Variants in TET3 observed in about 807,000 individuals in gnomAD.
TET3 encodes tet methylcytosine dioxygenase 3, also known as methylcytosine dioxygenase TET3.
TET3 carries 19 observed loss-of-function variants against 141.4 expected under a neutral mutation model. The observed-to-expected ratio is 0.13, with a 90% CI of 0.09 to 0.20. The LOEUF (loss-of-function observed/expected upper bound fraction) is 0.20. Ranked by LOEUF, TET3 falls within the 10% of genes least tolerant of loss-of-function variation. TET3 has a pLI of 1.00. For missense variants in TET3, 1,874 were observed against 2,356.9 expected (o/e 0.80, Z 4.24); for synonymous variants, 1,043 against 980.9 (o/e 1.06, Z -1.18).
downstream of TET3, among the ~76,000 whole-genome samples, chr2:74,111,423 A>G (rs1691701891): frequency 6.6e-6 from 1 of 152,186 alleles, no homozygotes; most frequent in African/African-American, 2.4e-5. Flanking sequence ...TCTCCCAGTC[A>G]TATCCTGACA....
chr2:74,065,057 G>A (rs1011639712), intron 4 of TET3, among the ~76,000 whole-genome samples: 5 of 152,070 alleles, frequency 3.3e-5, no homozygotes, highest in South Asian at 2.1e-4. Flanking sequence ...TTCTTTTTAT[G>A]TATATATAGT....
intron 11 of TET3, 53 bp from the exon 12 acceptor site, chr2:74,100,340 T>C: frequency 2.0e-6 from 3 of 1,528,688 alleles, no homozygotes; most frequent in South Asian, 2.5e-5. Flanking sequence ...CCAGGGCCTC[T>C]CCAGGCTGTG....
chr2:74,017,312 T>C (rs927226079), intron 3 of TET3, among the ~76,000 whole-genome samples: 1 of 152,164 alleles, frequency 6.6e-6, no homozygotes, highest in South Asian at 2.1e-4. Flanking sequence ...TGCCCTATGG[T>C]GCTATAGAAC....
chr2:74,087,847 G>A lies in TET3; in HGVS notation c.2697G>A (p.Thr899=), dbSNP rs1388569453. The A allele has an allele frequency of 1.3e-6, 2 of 1,550,838 alleles. No homozygotes were observed. The highest frequency in any genetic ancestry group is 1.4e-5 in the African/African-American group (1 of 73,026). The change falls in exon 7 of 12, where the codon ACG becomes ACA. Residue 899 remains threonine, a synonymous_variant. Coordinates refer to ENST00000409262, the MANE Select transcript of TET3 (RefSeq NM_001287491.2). This position sits in a 1 kb window ranked among gnomAD's most constrained non-coding sequence, Gnocchi z 4.3. The part of the protein sequence containing the change: ...PIAKWVIRRH[T]LEEKLLCLVR... ...CCCTGCAGGTGATCCGCAGGCACAC[G>A]CTGGAGGAGAAGCTACTCTGCCTGG...
chr2:74,063,825 G>A (rs1477999850), intron 4 of TET3, among the ~76,000 whole-genome samples: 5 of 150,464 alleles, frequency 3.3e-5, no homozygotes, highest in African/African-American at 1.2e-4. Flanking sequence ...TTGGGAGGCC[G>A]AAGTGGGAGG....
chr2:74,017,561 C>T (rs1427658331), intron 3 of TET3, among the ~76,000 whole-genome samples: 1 of 152,128 alleles, frequency 6.6e-6, no homozygotes, highest in Non-Finnish European at 1.5e-5. Flanking sequence ...CCACAAATGA[C>T]AGTATTTTGT....
chr2:74,080,388 G>C lies in TET3; in HGVS notation c.2586-110G>C, dbSNP rs887638119. On this transcript the variant is annotated intron_variant, in intron 5 of 11. Transcript: ENST00000409262. Reference sequence around the variant, plus strand: ...TTTCTCTTTCTTCTCTGTTGCCCCCGACGGTAACCAGAAACTCAAACAAAA... The same window carrying C: ...TTTCTCTTTCTTCTCTGTTGCCCCCCACGGTAACCAGAAACTCAAACAAAA... 27 of 918,080 alleles carry C rather than the reference G, an allele frequency of 2.9e-5. No individual in the cohort carries two copies. The East Asian group carries it at 7.2e-4, about 25-fold the overall frequency. 56.9% of individuals were successfully genotyped at this position (918,080 alleles called of 1,614,324 possible). A position where few individuals can be genotyped will look rare whatever the true frequency, so the allele number is the denominator to read the frequency against.
At chr2:74,065,679 CT>C (rs150945523) in intron 4 of TET3, among the ~76,000 whole-genome samples, 1,801 of 148,506 alleles carry the variant, frequency 0.012, 38 homozygotes, top group African/African-American at 0.042. Flanking sequence ...CTTTCTTTCC[CT>C]TTCTTTTCTT....
downstream of TET3, among the ~76,000 whole-genome samples, chr2:74,111,467 C>T (rs1193744677): frequency 1.3e-5 from 2 of 152,254 alleles, no homozygotes; most frequent in Non-Finnish European, 2.9e-5. Context: ...CCTCAGCATT[C>T]TCAATCCTGC....
chr2:74,132,921 G>A, the TET3 span, among the ~76,000 whole-genome samples: 5 of 151,184 alleles, frequency 3.3e-5, no homozygotes, highest in Non-Finnish European at 7.4e-5. Flanking sequence ...TTTTTGATAC[G>A]GAGTCTGGCT....
intron 3 of TET3, among the ~76,000 whole-genome samples, chr2:74,020,075 C>A (rs1429795312): frequency 6.6e-6 from 1 of 152,110 alleles, no homozygotes; most frequent in African/African-American, 2.4e-5. Context: ...TATGGTAGTG[C>A]CTTTCTTTTT....
At chr2:73,991,805 C>CAAAAA (rs772400180) in intron 2 of TET3, among the ~76,000 whole-genome samples, 125 of 79,504 alleles carry the variant, frequency 1.6e-3, no homozygotes, top group African/African-American at 5.0e-3. Flanking sequence ...AACTCTGTCT[C>CAAAAA]AAAAAAAAAA....
chr2:74,098,563 T>A (rs1690980858), intron 10 of TET3, among the ~76,000 whole-genome samples: 1 of 151,930 alleles, frequency 6.6e-6, no homozygotes, highest in Admixed American at 6.6e-5. Context: ...TTTTCTATAA[T>A]CAGCACATAG....
Position 73,986,536 on chromosome 2 carries a change from C to A in TET3, c.133C>A (p.Arg45=), listed in dbSNP as rs1024340866. The A allele has an allele frequency of 8.9e-6, 11 of 1,232,128 alleles. No individual in the cohort carries two copies. The highest frequency in any genetic ancestry group is 1.1e-5 in the Non-Finnish European group (11 of 988,038). The allele number at this position is 1,232,128 out of a possible 1,614,324, so 76.3% of individuals were successfully genotyped here. A position where few individuals can be genotyped will look rare whatever the true frequency, so the allele number is the denominator to read the frequency against. ...CATGGCTGGGAGTGAGTCCCAACTC[C>A]GAGGGGGTGGAGATGGTCGAAAGAA... ...LSMAGSESQL[R]GGGDGRKKRK... is the part of the protein sequence containing the mutation. Residue 45 remains arginine, a synonymous_variant, in exon 2 of 12, where the codon CGA becomes AGA. Transcript: ENST00000409262.
rs187495909 is a variant in TET3, at chr2:74,103,673, G to A, written c.*1497G>A. 3 of 153,152 alleles carry A rather than the reference G, an allele frequency of 2.0e-5. No individual in the cohort carries two copies. Among genetic ancestry groups the A allele is most frequent in the East Asian group, 3.9e-4 (2 of 5,184 alleles). The allele number at this position is 153,152 out of a possible 1,614,324, so 9.5% of individuals were successfully genotyped here. A position where few individuals can be genotyped will look rare whatever the true frequency, so the allele number is the denominator to read the frequency against. Reference sequence around the variant, plus strand: ...GGTGCTTAATTTTTGTGACGTTGTCGAGAGAGGTTGGGCCTGATGGGAGCA... The same window carrying A: ...GGTGCTTAATTTTTGTGACGTTGTCAAGAGAGGTTGGGCCTGATGGGAGCA... On this transcript the variant is annotated 3_prime_UTR_variant, in exon 12 of 12. Coordinates refer to ENST00000409262, the MANE Select transcript of TET3 (RefSeq NM_001287491.2).
intron 2 of TET3, among the ~76,000 whole-genome samples, chr2:74,000,495 T>C (rs1392968066): frequency 1.3e-5 from 2 of 151,966 alleles, no homozygotes; most frequent in Non-Finnish European, 2.9e-5. Context: ...GGGGAGGCAA[T>C]GTTTAAACTA....
intron 4 of TET3, among the ~76,000 whole-genome samples, chr2:74,067,128 C>T (rs1490161101): frequency 6.6e-6 from 1 of 152,106 alleles, no homozygotes; most frequent in Non-Finnish European, 1.5e-5. Context: ...CTCCCTTGGC[C>T]TTCTCCTCTC....
chr2:74,021,228 T>C (rs1217375481), intron 3 of TET3, among the ~76,000 whole-genome samples: 2 of 152,186 alleles, frequency 1.3e-5, no homozygotes, highest in Non-Finnish European at 2.9e-5. Flanking sequence ...GCTGCATCTC[T>C]GCCAGCTCTG....
intron 3 of TET3, among the ~76,000 whole-genome samples, chr2:74,017,417 T>G (rs1685788340): frequency 6.6e-6 from 1 of 152,226 alleles, no homozygotes; most frequent in South Asian, 2.1e-4. Context: ...CAGCCTCTGA[T>G]AACCACTGTT....
Sources: gnomAD v4.1 joint callset for allele counts (sites outside exome capture counted in the v4.1 genomes callset) on GRCh38, gnomAD v4.1.1 for gene constraint, Gnocchi (gnomAD v3.1) non-coding constraint, MANE v1.5 for transcripts, NCBI Gene and HGNC (gene_info 2026-07-23, HGNC 2026-07-21) for gene names.